KAT6A: variants seen among roughly 807,000 people sequenced by gnomAD.
KAT6A encodes the protein lysine acetyltransferase 6A, also known as histone acetyltransferase KAT6A.
Under a neutral mutation model 198.4 loss-of-function variants are expected in KAT6A, and 9 were observed. The observed-to-expected ratio is 0.05, with a 90% CI of 0.03 to 0.08. KAT6A has a LOEUF of 0.08. KAT6A is among the 10% of genes least tolerant of loss of function. The pLI is 1.00. For missense variants in KAT6A, 2,077 were observed against 2,509.9 expected (o/e 0.83, Z 3.69); for synonymous variants, 890 against 883.0 (o/e 1.01, Z -0.14).
intron 2 of KAT6A, among the ~76,000 whole-genome samples, chr8:42,036,031 G>A (rs747157499): frequency 1.3e-5 from 2 of 152,112 alleles, no homozygotes; most frequent in Non-Finnish European, 2.9e-5. Context: ...ACTGTCCTAT[G>A]ACAAGGTAGC....
intron 14 of KAT6A, chr8:41,942,092 G>A (rs1822168629): frequency 5.1e-6 from 1 of 194,246 alleles, no homozygotes; most frequent in Non-Finnish European, 1.1e-5. Flanking sequence ...GGTGTTGAAA[G>A]GATGAAGCAC....
At chr8:41,976,980 T>G in intron 7 of KAT6A, 28 bp downstream of exon 7, 1 of 1,517,628 alleles carries the variant, frequency 6.6e-7, no homozygotes. Context: ...GAATACTATT[T>G]GTTTCTAAGT....
rs189987709 is a variant in KAT6A, at chr8:41,951,506, T to C, written c.1599-2143A>G. The stretch of plus-strand genomic sequence containing the variant: ...TATGAATACTCCTAGCCCTAGAGAA[T>C]CTTGTTGGGGGCTGCTTTTAGTGAT... On this transcript the variant is annotated intron_variant, in intron 9 of 16. Coordinates refer to ENST00000265713, the MANE Select transcript of KAT6A (RefSeq NM_006766.5). Among the ~76,000 whole-genome samples, 87 of 152,318 alleles carry C rather than the reference T, an allele frequency of 5.7e-4. 2 individuals carry two copies. The South Asian group carries it at 0.017, about 30-fold the overall frequency.
intron 2 of KAT6A, among the ~76,000 whole-genome samples, chr8:42,012,729 T>C (rs944404951): frequency 6.6e-6 from 1 of 152,224 alleles, no homozygotes. Flanking sequence ...CACAGGAAAC[T>C]ACTGTACTAT....
In KAT6A at chr8:41,937,989, T is replaced by C. The variant is rs114855199; in HGVS notation, c.3040-421A>G. ...AAGGTTTGCAGAACTATCAGTAAAG[T>C]TGTATGCCATTTTCATGAACTACTC... On this transcript the variant is annotated intron_variant, in intron 15 of 16. Coordinates refer to ENST00000265713, the MANE Select transcript of KAT6A (RefSeq NM_006766.5). Among the ~76,000 whole-genome samples, 287 of 152,324 alleles carry C rather than the reference T, an allele frequency of 1.9e-3. 3 individuals are homozygous for C. The highest frequency in any genetic ancestry group is 6.5e-3 in the African/African-American group (270 of 41,568).
intron 2 of KAT6A, among the ~76,000 whole-genome samples, chr8:42,042,832 C>G (rs1477178960): frequency 4.6e-5 from 7 of 152,120 alleles, no homozygotes; most frequent in African/African-American, 1.4e-4. Flanking sequence ...GCTAGTAATA[C>G]AGAACACAAA....
At chr8:42,023,347 A>C (rs1826641092) in intron 2 of KAT6A, among the ~76,000 whole-genome samples, 1 of 152,170 alleles carries the variant, frequency 6.6e-6, no homozygotes, top group Non-Finnish European at 1.5e-5. Context: ...AATTTGGAAA[A>C]AAATTTCTAT....
intron 2 of KAT6A, among the ~76,000 whole-genome samples, chr8:42,033,313 C>T (rs1014138131): frequency 6.6e-6 from 1 of 152,106 alleles, no homozygotes; most frequent in Admixed American, 6.6e-5. Context: ...AAGATGTATC[C>T]TGCTGGCTTG....
chr8:41,955,017 T>G (rs909012887), intron 9 of KAT6A, among the ~76,000 whole-genome samples: 4 of 141,362 alleles, frequency 2.8e-5, no homozygotes, highest in Non-Finnish European at 4.7e-5. Context: ...GAAGACAAAT[T>G]TCTCTTAAAA....
Position 41,940,734 on chromosome 8 carries a change from G to A in KAT6A, c.3039+108C>T, listed in dbSNP as rs1169339973. On this transcript the variant is annotated intron_variant, in intron 15 of 16. Coordinates refer to ENST00000265713, the MANE Select transcript of KAT6A (RefSeq NM_006766.5). Reference sequence around the variant, plus strand: ...AGAGGCTTAAGGTTTATAAAGCAATGCACTAGGAATTTCTAACTTATACTC... The same window carrying A: ...AGAGGCTTAAGGTTTATAAAGCAATACACTAGGAATTTCTAACTTATACTC... The A allele has an allele frequency of 4.5e-6, 6 of 1,330,460 alleles. No homozygotes were observed. The African/African-American group carries it at 7.3e-5, about 16-fold the overall frequency. 82.4% of individuals were successfully genotyped at this position (1,330,460 alleles called of 1,614,324 possible). A position where few individuals can be genotyped will look rare whatever the true frequency, so the allele number is the denominator to read the frequency against.
intron 2 of KAT6A, among the ~76,000 whole-genome samples, chr8:42,033,538 A>T (rs75063620): frequency 2.0e-5 from 3 of 152,272 alleles, no homozygotes; most frequent in East Asian, 3.9e-4. Flanking sequence ...GCCTTTGTAC[A>T]TGCTGTTCCC....
intron 10 of KAT6A, among the ~76,000 whole-genome samples, chr8:41,948,721 G>A (rs1320216039): frequency 6.6e-6 from 1 of 152,198 alleles, no homozygotes; most frequent in Non-Finnish European, 1.5e-5. Flanking sequence ...ACTTAAAAGA[G>A]TCTTAGGGAG....
Position 41,933,042 on chromosome 8 carries a change from A to G in KAT6A, c.5178T>C (p.Thr1726=), listed in dbSNP as rs1159308249. 8 of 1,607,934 alleles carry G rather than the reference A, an allele frequency of 5.0e-6. No homozygotes were observed. Among genetic ancestry groups the G allele is most frequent in the Non-Finnish European group, 6.8e-6 (8 of 1,178,352 alleles). The part of the protein sequence containing the change: ...MIMEIPESGS[T]GNISIYERIP... ...TCCTCTCATAGATACTTATGTTCCCAGTGCTTCCAGATTCTGGTATCTCCA... is the reference window on the plus strand; with the variant it reads ...TCCTCTCATAGATACTTATGTTCCCGGTGCTTCCAGATTCTGGTATCTCCA... Residue 1726 remains threonine (T), a synonymous_variant, in exon 17 of 17, where the codon ACT becomes ACC. Transcript: ENST00000265713. The surrounding 1 kb of genome is among the most constrained non-coding windows in gnomAD (Gnocchi z 6.2).
At chr8:42,018,964 A>T (rs1377523884) in intron 2 of KAT6A, among the ~76,000 whole-genome samples, 1 of 152,166 alleles carries the variant, frequency 6.6e-6, no homozygotes, top group Non-Finnish European at 1.5e-5. Context: ...AACCATGTAG[A>T]ACAAGTTGTT....
At chr8:41,942,744 C>G in intron 14 of KAT6A, 49 bp downstream of exon 14, 1 of 1,586,842 alleles carries the variant, frequency 6.3e-7, no homozygotes, top group Non-Finnish European at 8.6e-7. Context: ...CTCATGAAAT[C>G]AAAAATATAT....
At chr8:41,942,719 A>G in intron 14 of KAT6A, 74 bp downstream of exon 14, 1 of 1,463,028 alleles carries the variant, frequency 6.8e-7, no homozygotes, top group Admixed American at 1.9e-5. Flanking sequence ...TGATCATAAT[A>G]CATTATTATA....
At chr8:42,036,669 AGTG>A (rs972265947) in intron 2 of KAT6A, among the ~76,000 whole-genome samples, 2 of 152,146 alleles carry the variant, frequency 1.3e-5, no homozygotes, top group Non-Finnish European at 2.9e-5. Flanking sequence ...ATGCAGGAGT[AGTG>A]AGTGAGTGAG....
At chr8:42,002,398 TA>T (rs1196406982) in intron 2 of KAT6A, among the ~76,000 whole-genome samples, 32 of 152,160 alleles carry the variant, frequency 2.1e-4, no homozygotes, top group Non-Finnish European at 4.3e-4. Flanking sequence ...CCATCTCTTC[TA>T]AAAATACAAA....
In KAT6A at chr8:41,948,901, A is replaced by ACATCATCATCAT. The variant is rs34721456; in HGVS notation, c.1740+309_1740+320dup. Among the ~76,000 whole-genome samples the ACATCATCATCAT allele has an allele frequency of 1.3e-4, 19 of 151,186 alleles. No homozygotes were observed. In the East Asian group the frequency reaches 1.7e-3, roughly 14 times the overall value. On this transcript the variant is annotated intron_variant, in intron 10 of 16. Transcript: ENST00000265713. ...TAGAGAATCACAGAGCAGAGGTCAC[A>ACATCATCATCAT]CATCATCATCATCATCATCATCATC... is the stretch of plus-strand genomic sequence containing the variant.
Sources: gnomAD v4.1 joint callset for allele counts (sites outside exome capture counted in the v4.1 genomes callset) on GRCh38, gnomAD v4.1.1 for gene constraint, Gnocchi (gnomAD v3.1) non-coding constraint, MANE v1.5 for transcripts, NCBI Gene and HGNC (gene_info 2026-07-23, HGNC 2026-07-21) for gene names.